The following SLC37A2 variants were observed in gnomAD, a reference collection of about 807,000 sequenced individuals.
SLC37A2 encodes glucose-6-phosphate exchanger SLC37A2.
SLC37A2 carries 59 observed loss-of-function variants against 70.7 expected under a neutral mutation model. The ratio of observed to expected loss-of-function variants is 0.83; its 90% CI spans 0.68 to 1.04. The LOEUF (loss-of-function observed/expected upper bound fraction) is 1.04. Ranked by LOEUF, SLC37A2 falls within the 50% of genes least tolerant of loss-of-function variation. SLC37A2 has a pLI of 0.00. For synonymous variants in SLC37A2, 257 were observed against 262.1 expected, an observed-to-expected ratio of 0.98 and a Z score of 0.19; for missense variants, 580 against 658.1, an observed-to-expected ratio of 0.88 and a Z score of 1.30.
At chr11:125,066,761 T>C (rs1467282030) in intron 1 of SLC37A2, among the ~76,000 whole-genome samples, 1 of 150,702 alleles carries the variant, frequency 6.6e-6, no homozygotes, top group Non-Finnish European at 1.5e-5. Flanking sequence ...TTTTAAGATA[T>C]AATATATAAA....
Position 125,063,564 on chromosome 11 carries a change from C to T in SLC37A2, c.59+138C>T. On this transcript the variant is annotated intron_variant, in intron 1 of 17. Transcript: ENST00000403796. The surrounding 1 kb of genome is among the most constrained non-coding windows in gnomAD (Gnocchi z 5.4). ...CAGGGGTGCTGGGGGGACTTGGTCC[C>T]GAGCTCCTCCAGCGGCGCCCGCCTC... 8.0e-6 allele frequency: 6 copies of T among 750,508 alleles called. No homozygotes were observed. Among genetic ancestry groups the T allele is most frequent in the Non-Finnish European group, 1.2e-5 (6 of 487,370 alleles). The allele number at this position is 750,508 out of a possible 1,614,324, so 46.5% of individuals were successfully genotyped here. A position where few individuals can be genotyped will look rare whatever the true frequency, so the allele number is the denominator to read the frequency against.
At chr11:125,078,008 G>A (rs956951270) in intron 4 of SLC37A2, among the ~76,000 whole-genome samples, 2 of 152,190 alleles carry the variant, frequency 1.3e-5, no homozygotes, top group African/African-American at 2.4e-5. Context: ...CCATGACAGA[G>A]GTGGCCATCA....
intron 17 of SLC37A2, 23 bp from the exon 18 acceptor site, chr11:125,088,096 T>TC (rs764469031): frequency 6.4e-7 from 1 of 1,551,310 alleles, no homozygotes; most frequent in Admixed American, 2.0e-5. Flanking sequence ...TTCTCTTCTG[T>TC]CCCCCCTCTC....
At chr11:125,068,905 A>T (rs1283923809) in intron 1 of SLC37A2, among the ~76,000 whole-genome samples, 1 of 152,244 alleles carries the variant, frequency 6.6e-6, no homozygotes, top group African/African-American at 2.4e-5. Context: ...ACATGTCCCC[A>T]AGGAGGGCAT....
At chr11:125,067,761 A>G (rs999663274) in intron 1 of SLC37A2, among the ~76,000 whole-genome samples, 5 of 152,034 alleles carry the variant, frequency 3.3e-5, no homozygotes, top group African/African-American at 1.2e-4. Context: ...TCCAAGACAA[A>G]TCAAATTTCC....
In SLC37A2 at chr11:125,084,843, A is replaced by C; in HGVS notation, c.1144A>C (p.Ile382Leu). 1 of 1,613,578 alleles carries C rather than the reference A, an allele frequency of 6.2e-7. No homozygotes were observed. Among genetic ancestry groups the C allele is most frequent in the South Asian group, 1.1e-5 (1 of 90,924 alleles). The change falls in exon 13 of 18, where the codon ATT (isoleucine) becomes CTT (leucine). Residue 382 changes from isoleucine (I) to leucine (L), a missense_variant. Transcript: ENST00000403796. The part of the protein sequence containing the change: ...AAPMMFLYNY[I>L]GQDGIASSIV... ...CTCTCAGATGTTCCTGTACAACTAC[A>C]TTGGCCAGGACGGGATTGCCAGCTC...
Position 125,079,760 on chromosome 11 carries a change from A to G in SLC37A2, c.527A>G (p.Lys176Arg). Reference protein sequence around the residue: ...TCVGNWFGKGKRGFIMGIWNS... With the variant: ...TCVGNWFGKGRRGFIMGIWNS... The stretch of plus-strand genomic sequence containing the variant: ...GTTGGCAACTGGTTCGGGAAGGGGA[A>G]GTGAGTGTAACAAGGGAGGAGGAGT... The change falls in exon 6 of 18, where the codon AAG becomes AGG. Residue 176 changes from lysine (K) to arginine (R), a missense_variant and splice_region_variant. Transcript: ENST00000403796. The G allele has an allele frequency of 6.2e-7, 1 of 1,607,602 alleles. No homozygotes were observed. The highest frequency in any genetic ancestry group is 8.5e-7 in the Non-Finnish European group (1 of 1,176,452).
Position 125,082,353 on chromosome 11 carries a change from G to T in SLC37A2, c.976+19G>T. ...AATGTGGGTAAGTCCAAGAGAAGGG[G>T]AATGAAGGGGTCTCTGAGGAGGCCA... On this transcript the variant is annotated intron_variant, in intron 10 of 17. Coordinates refer to ENST00000403796, the MANE Select transcript of SLC37A2 (RefSeq NM_001145290.2). 6.2e-7 allele frequency: 1 copy of T among 1,611,238 alleles called. No homozygotes were observed. The highest frequency in any genetic ancestry group is 8.5e-7 in the Non-Finnish European group (1 of 1,177,518).
At position 125,079,762 on chromosome 11, in the gene SLC37A2, T is replaced by C; in HGVS notation, c.527+2T>C. On this transcript the variant is annotated splice_donor_variant, in intron 6 of 17. Transcript: ENST00000403796. LOFTEE classifies it high-confidence loss of function. ...TGGCAACTGGTTCGGGAAGGGGAAG[T>C]GAGTGTAACAAGGGAGGAGGAGTGG... is the stretch of plus-strand genomic sequence containing the variant. 1 of 1,607,130 alleles carries C rather than the reference T, an allele frequency of 6.2e-7. No homozygotes were observed. Among genetic ancestry groups the C allele is most frequent in the Non-Finnish European group, 8.5e-7 (1 of 1,176,324 alleles).
At chr11:125,069,740 G>A (rs1949012002) in intron 1 of SLC37A2, among the ~76,000 whole-genome samples, 1 of 152,244 alleles carries the variant, frequency 6.6e-6, no homozygotes, top group Non-Finnish European at 1.5e-5. Flanking sequence ...AGGAGGCTGG[G>A]AGTCATGTGG....
chr11:125,071,719 C>T (rs937460051), intron 1 of SLC37A2, among the ~76,000 whole-genome samples: 6 of 152,184 alleles, frequency 3.9e-5, no homozygotes, highest in Non-Finnish European at 7.4e-5. Flanking sequence ...GAGAGCTTTG[C>T]GCCTCCCAAA....
intron 1 of SLC37A2, among the ~76,000 whole-genome samples, chr11:125,066,912 G>A (rs965679525): frequency 6.6e-5 from 10 of 151,766 alleles, no homozygotes; most frequent in African/African-American, 2.2e-4. Flanking sequence ...AAAACCAGTG[G>A]CCTGGAAGAT....
intron 1 of SLC37A2, among the ~76,000 whole-genome samples, chr11:125,075,700 AGTGGT>A (rs1949078354): frequency 6.6e-6 from 1 of 152,158 alleles, no homozygotes; most frequent in Admixed American, 6.5e-5. Context: ...TTGTTTCCCA[AGTGGT>A]AGTGGGTGTT....
intron 1 of SLC37A2, among the ~76,000 whole-genome samples, chr11:125,066,744 G>T (rs1405463407): frequency 6.6e-6 from 1 of 151,814 alleles, no homozygotes; most frequent in Non-Finnish European, 1.5e-5. Flanking sequence ...TTTTTACAGA[G>T]AAAAAATTTT....
chr11:125,078,141 G>A (rs1401725450), intron 4 of SLC37A2, among the ~76,000 whole-genome samples: 1 of 152,226 alleles, frequency 6.6e-6, no homozygotes, highest in Non-Finnish European at 1.5e-5. Context: ...CGGCGGTGCA[G>A]ATGGAGACCT....
chr11:125,086,283 T>A, intron 17 of SLC37A2: 1 of 1,556,734 alleles, frequency 6.4e-7, no homozygotes, highest in Non-Finnish European at 8.9e-7. Context: ...TTCGAGTCTG[T>A]GACTCGAGTG....
chr11:125,068,579 A>T (rs757876609), intron 1 of SLC37A2, among the ~76,000 whole-genome samples: 1 of 152,220 alleles, frequency 6.6e-6, no homozygotes, highest in African/African-American at 2.4e-5. Flanking sequence ...CCTATGTGCC[A>T]TGTCATTCAG....
intron 16 of SLC37A2, 137 bp downstream of exon 16, chr11:125,085,811 C>T (rs1174468239): frequency 1.6e-6 from 2 of 1,236,320 alleles, no homozygotes; most frequent in East Asian, 4.7e-5. Context: ...GAAGCACTCT[C>T]CCTCCCCCGA....
rs546268261 is a variant in SLC37A2 at position 125,089,584 on chromosome 11, C to T, written c.*1450C>T. ...TGGGCATGGGCTTGGCGGGCCTGCA[C>T]TCGGAGCAGCCGGCCGGCCCTTCCG... is the stretch of plus-strand genomic sequence containing the variant. On this transcript the variant is annotated 3_prime_UTR_variant, in exon 18 of 18. Coordinates refer to ENST00000403796, the MANE Select transcript of SLC37A2 (RefSeq NM_001145290.2). The T allele has an allele frequency of 5.5e-3, 849 of 153,200 alleles. 8 individuals are homozygous for T. The highest frequency in any genetic ancestry group is 6.0e-3 in the Non-Finnish European group (414 of 68,756). 9.5% of individuals were successfully genotyped at this position (153,200 alleles called of 1,614,324 possible). A position where few individuals can be genotyped will look rare whatever the true frequency, so the allele number is the denominator to read the frequency against.
Sources: allele counts gnomAD v4.1 joint callset (sites outside exome capture counted in the v4.1 genomes callset), GRCh38; gene constraint gnomAD v4.1.1; non-coding constraint Gnocchi (gnomAD v3.1); transcripts MANE v1.5; gene names NCBI Gene and HGNC (gene_info 2026-07-23, HGNC 2026-07-21).